Variants in GRIK3 observed in about 807,000 individuals in gnomAD.
GRIK3 encodes the protein glutamate receptor ionotropic, kainate 3.
Under a neutral mutation model 102.5 loss-of-function variants are expected in GRIK3, and 29 were observed. The ratio of observed to expected loss-of-function variants is 0.28; its 90% CI spans 0.21 to 0.39. The LOEUF is 0.39. GRIK3 is among the 10% of genes least tolerant of loss of function. GRIK3 has a pLI of 1.00. For synonymous variants in GRIK3, 511 were observed against 504.9 expected, an observed-to-expected ratio of 1.01 and a Z score of -0.16; for missense variants, 908 against 1,252.4, an observed-to-expected ratio of 0.73 and a Z score of 4.15.
At chr1:36,841,372 C>T (rs1383344909) in intron 10 of GRIK3, among the ~76,000 whole-genome samples, 1 of 152,162 alleles carries the variant, frequency 6.6e-6, no homozygotes, top group Non-Finnish European at 1.5e-5. Flanking sequence ...GGTGCCTTGC[C>T]CCATAGCTGG....
At chr1:36,848,083 A>G (rs1268227787) in intron 9 of GRIK3, among the ~76,000 whole-genome samples, 2 of 152,246 alleles carry the variant, frequency 1.3e-5, no homozygotes, top group Non-Finnish European at 2.9e-5. Flanking sequence ...AAGCACTCAC[A>G]GGTCGAGAGC....
chr1:36,902,624 C>A (rs1354791603), intron 1 of GRIK3, among the ~76,000 whole-genome samples: 1 of 152,128 alleles, frequency 6.6e-6, no homozygotes, highest in Non-Finnish European at 1.5e-5. Flanking sequence ...CTATAAATTG[C>A]CAAACTTGGG....
intron 1 of GRIK3, among the ~76,000 whole-genome samples, chr1:36,946,604 C>T (rs1459055398): frequency 6.6e-6 from 1 of 152,140 alleles, no homozygotes; most frequent in Non-Finnish European, 1.5e-5. Flanking sequence ...TCACATTTGG[C>T]GAATAAGTAA....
intron 1 of GRIK3, among the ~76,000 whole-genome samples, chr1:36,935,268 T>C (rs1261896210): frequency 6.6e-6 from 1 of 152,166 alleles, no homozygotes; most frequent in African/African-American, 2.4e-5. Context: ...CATGGTTCTC[T>C]AAGGCAACTC....
At chr1:36,941,024 A>G (rs1641713579) in intron 1 of GRIK3, among the ~76,000 whole-genome samples, 2 of 151,982 alleles carry the variant, frequency 1.3e-5, no homozygotes, top group African/African-American at 4.8e-5. Flanking sequence ...GGCCTATTAG[A>G]CCCCCTGACC....
At chr1:36,824,989 G>A (rs1182125669) in intron 11 of GRIK3, among the ~76,000 whole-genome samples, 3 of 152,074 alleles carry the variant, frequency 2.0e-5, no homozygotes, top group South Asian at 2.1e-4. Context: ...CTAGGTGTTC[G>A]CCAAACACTG....
chr1:36,860,155 C>T (rs908343795), intron 5 of GRIK3, 138 bp from the exon 6 acceptor site: 12 of 621,748 alleles, frequency 1.9e-5, no homozygotes, highest in South Asian at 1.3e-4. Flanking sequence ...AGAGGGGGTG[C>T]GGGATATCGG....
chr1:37,014,781 G>A (rs1261976136), intron 1 of GRIK3, among the ~76,000 whole-genome samples: 1 of 152,154 alleles, frequency 6.6e-6, no homozygotes, highest in African/African-American at 2.4e-5. Context: ...TGACTCCACT[G>A]GGCATTTGAG....
At chr1:37,008,418 C>T (rs191905341) in intron 1 of GRIK3, among the ~76,000 whole-genome samples, 18 of 152,316 alleles carry the variant, frequency 1.2e-4, no homozygotes, top group African/African-American at 3.8e-4. Context: ...AGATGGAGAG[C>T]GAACAAACGC....
intron 10 of GRIK3, among the ~76,000 whole-genome samples, chr1:36,832,890 G>A (rs56232540): frequency 4.6e-5 from 7 of 152,078 alleles, no homozygotes; most frequent in Admixed American, 2.6e-4. Context: ...CCAACGGAGC[G>A]GAAGGCAGTG....
intron 1 of GRIK3, among the ~76,000 whole-genome samples, chr1:36,924,311 A>G (rs1456551375): frequency 6.6e-6 from 1 of 152,154 alleles, no homozygotes; most frequent in East Asian, 1.9e-4. Context: ...AACCCCAGTC[A>G]TGGCTTCATC....
At chr1:36,802,415 C>A (rs1228565446) in intron 15 of GRIK3, among the ~76,000 whole-genome samples, 1 of 152,180 alleles carries the variant, frequency 6.6e-6, no homozygotes, top group Non-Finnish European at 1.5e-5. Context: ...ATGGGCCCAA[C>A]TTTCGAGCCC....
At chr1:37,002,217 C>T (rs988249297) in intron 1 of GRIK3, among the ~76,000 whole-genome samples, 2 of 152,132 alleles carry the variant, frequency 1.3e-5, no homozygotes, top group South Asian at 2.1e-4. Flanking sequence ...AAGCTAGTTG[C>T]ATATAACAAA....
chr1:36,918,126 T>C (rs1216977420), intron 1 of GRIK3, among the ~76,000 whole-genome samples: 1 of 152,232 alleles, frequency 6.6e-6, no homozygotes, highest in Non-Finnish European at 1.5e-5. Flanking sequence ...AAGACAGGAC[T>C]TTCTGTGTAA....
In GRIK3 at chr1:37,012,192, T is replaced by A. The variant is rs115743815; in HGVS notation, c.115+21802A>T. On this transcript the variant is annotated intron_variant, in intron 1 of 15. Coordinates refer to ENST00000373091, the MANE Select transcript of GRIK3 (RefSeq NM_000831.4). Reference sequence around the variant, plus strand: ...GGGGCCATTGCCTATTGAGTTTTCATCAAAGTAATTTATTGATCAATACAG... The same window carrying A: ...GGGGCCATTGCCTATTGAGTTTTCAACAAAGTAATTTATTGATCAATACAG... Among the ~76,000 whole-genome samples, 706 of 152,346 alleles carry A rather than the reference T, an allele frequency of 4.6e-3. 7 individuals are homozygous for A. The highest frequency in any genetic ancestry group is 0.016 in the African/African-American group (679 of 41,586).
chr1:36,969,845 C>A (rs1642122447), intron 1 of GRIK3, among the ~76,000 whole-genome samples: 2 of 152,198 alleles, frequency 1.3e-5, no homozygotes, highest in African/African-American at 4.8e-5. Context: ...CATGAAACCC[C>A]ATGAGGATGC....
intron 1 of GRIK3, among the ~76,000 whole-genome samples, chr1:36,927,908 A>G (rs1434058426): frequency 2.0e-5 from 3 of 152,054 alleles, no homozygotes; most frequent in Non-Finnish European, 4.4e-5. Flanking sequence ...CGGATTTAAG[A>G]AGAAAAAAAG....
intron 1 of GRIK3, among the ~76,000 whole-genome samples, chr1:36,915,434 A>T (rs1441146471): frequency 6.6e-6 from 1 of 152,236 alleles, no homozygotes; most frequent in East Asian, 1.9e-4. Context: ...ATGCACAAAC[A>T]TACAAGTATA....
chr1:36,957,480 G>A (rs78279004), intron 1 of GRIK3, among the ~76,000 whole-genome samples: 17,097 of 58,930 alleles, frequency 0.29, 6,538 homozygotes, highest in African/African-American at 0.45. Flanking sequence ...CTGTGAGTCT[G>A]TGCCCCGTGA....
Sources: gnomAD v4.1 joint callset for allele counts (sites outside exome capture counted in the v4.1 genomes callset) on GRCh38, gnomAD v4.1.1 for gene constraint, MANE v1.5 for transcripts, NCBI Gene and HGNC (gene_info 2026-07-23, HGNC 2026-07-21) for gene names.